EVI5: variants seen among roughly 807,000 people sequenced by gnomAD.
EVI5 encodes the protein ecotropic viral integration site 5 protein homolog.
In EVI5, 73 loss-of-function variants were observed where a neutral mutation model predicts 112.0. The ratio of observed to expected loss-of-function variants is 0.65; its 90% CI spans 0.54 to 0.79. The LOEUF (loss-of-function observed/expected upper bound fraction) is 0.79. Among genes scored for constraint, EVI5 ranks in the 30% least tolerant of loss-of-function variants. The pLI is 0.00. For missense variants in EVI5, 900 were observed against 968.8 expected (o/e 0.93, Z 0.94); for synonymous variants, 305 against 319.9 (o/e 0.95, Z 0.50).
chr1:92,702,249 GGTAA>G, intron 4 of EVI5, 34 bp from the exon 5 acceptor site: 1 of 1,138,676 alleles, frequency 8.8e-7, no homozygotes, highest in Admixed American at 2.6e-5. Context: ...CAAAATACAT[GGTAA>G]GTTATACCTT....
Position 92,704,564 on chromosome 1 carries a change from C to T in EVI5, c.330G>A (p.Lys110=), listed in dbSNP as rs1671690414. The T allele has an allele frequency of 1.3e-6, 2 of 1,571,438 alleles. No individual in the cohort carries two copies. Among genetic ancestry groups the T allele is most frequent in the African/African-American group, 1.4e-5 (1 of 73,134 alleles). The part of the protein sequence containing the change: ...EWEDVRKKKE[K]QVKELVHKGI... ...CAAAGAACATGAATACCTTAACTTGCTTTTCCTTCTTTTTGCGTACATCTT... is the reference window on the plus strand; with the variant it reads ...CAAAGAACATGAATACCTTAACTTGTTTTTCCTTCTTTTTGCGTACATCTT... Residue 110 remains lysine (K), a synonymous_variant, in exon 3 of 20, where the codon AAG becomes AAA. Coordinates refer to ENST00000684568, the MANE Select transcript of EVI5 (RefSeq NM_001350197.2).
rs1420344080 is a variant in EVI5, at chr1:92,513,545, ATATATATATATATATATATATG to A, written c.*89_*110del. 883 of 12,226 alleles carry A rather than the reference ATATATATATATATATATATATG, an allele frequency of 0.072. 28 individuals are homozygous for A. Among genetic ancestry groups the A allele is most frequent in the African/African-American group, 0.33 (727 of 2,178 alleles). 0.8% of individuals were successfully genotyped at this position (12,226 alleles called of 1,614,324 possible). The stretch of plus-strand genomic sequence containing the variant: ...TATATATATATATATATATATATAT[ATATATATATATATATATATATG>A]TACATATGAAACAAATTATTTCCAA... On this transcript the variant is annotated 3_prime_UTR_variant, in exon 20 of 20. Coordinates refer to ENST00000684568, the MANE Select transcript of EVI5 (RefSeq NM_001350197.2).
At chr1:92,655,869 C>CAAAAATAAATAAACAAAAATA (rs1662911137) in intron 13 of EVI5, among the ~76,000 whole-genome samples, 1 of 152,092 alleles carries the variant, frequency 6.6e-6, no homozygotes, top group Non-Finnish European at 1.5e-5. Flanking sequence ...CATCCTGAGA[C>CAAAAATAAATAAACAAAAATA]AGTGCCTTGG....
At chr1:92,566,045 A>G (rs2100934833) in intron 18 of EVI5, among the ~76,000 whole-genome samples, 1 of 150,422 alleles carries the variant, frequency 6.6e-6, no homozygotes. Flanking sequence ...GTTCTGTGTT[A>G]ACTGTCCTCC....
intron 13 of EVI5, among the ~76,000 whole-genome samples, chr1:92,662,147 G>C (rs1260094980): frequency 1.3e-5 from 2 of 152,120 alleles, no homozygotes; most frequent in Non-Finnish European, 2.9e-5. Flanking sequence ...AATTTTTAAA[G>C]GGTTAATCTT....
At chr1:92,766,880 G>A (rs1378986020) in intron 1 of EVI5, among the ~76,000 whole-genome samples, 2 of 152,108 alleles carry the variant, frequency 1.3e-5, no homozygotes, top group Non-Finnish European at 2.9e-5. Context: ...TCAGGAGTTT[G>A]AGAACAGCCT....
chr1:92,617,073 G>A (rs1048044396), intron 16 of EVI5, among the ~76,000 whole-genome samples: 1 of 152,228 alleles, frequency 6.6e-6, no homozygotes, highest in Non-Finnish European at 1.5e-5. Flanking sequence ...GACAGAGGAA[G>A]AGAAGACCAG....
At chr1:92,634,905 C>T (rs535996711) in intron 14 of EVI5, among the ~76,000 whole-genome samples, 4 of 152,330 alleles carry the variant, frequency 2.6e-5, no homozygotes, top group African/African-American at 9.6e-5. Flanking sequence ...CCAGTCAGGA[C>T]CCTTAGCTGC....
At chr1:92,661,520 T>C (rs1664007654) in intron 13 of EVI5, among the ~76,000 whole-genome samples, 1 of 152,162 alleles carries the variant, frequency 6.6e-6, no homozygotes, top group East Asian at 1.9e-4. Flanking sequence ...AAAATCACAT[T>C]GAAGTAACTT....
chr1:92,667,815 C>T (rs1665179358), intron 10 of EVI5, among the ~76,000 whole-genome samples: 1 of 152,116 alleles, frequency 6.6e-6, no homozygotes, highest in African/African-American at 2.4e-5. Context: ...GGGGGTTTCA[C>T]CGTGTTAGCC....
chr1:92,734,331 C>A (rs1010041876), intron 2 of EVI5, among the ~76,000 whole-genome samples: 10 of 152,182 alleles, frequency 6.6e-5, no homozygotes, highest in African/African-American at 2.4e-4. Context: ...AACTTCATTA[C>A]GGTCCGTGTA....
intron 18 of EVI5, among the ~76,000 whole-genome samples, chr1:92,588,050 T>C (rs939028894): frequency 3.3e-5 from 5 of 152,196 alleles, no homozygotes; most frequent in Non-Finnish European, 7.4e-5. Context: ...CCATTTAGTA[T>C]TAATGTAAAA....
intron 1 of EVI5, among the ~76,000 whole-genome samples, chr1:92,775,112 G>A (rs1683936684): frequency 6.6e-6 from 1 of 152,186 alleles, no homozygotes; most frequent in South Asian, 2.1e-4. Context: ...GAACATTTCA[G>A]TCAATGGATA....
chr1:92,708,079 T>C (rs1024165570), intron 2 of EVI5, among the ~76,000 whole-genome samples: 4 of 152,132 alleles, frequency 2.6e-5, no homozygotes, highest in Admixed American at 2.0e-4. Context: ...TAAATCTTCA[T>C]GACTTTGAGT....
chr1:92,636,226 C>T lies in EVI5; in HGVS notation c.1503G>A (p.Gln501=), dbSNP rs1658796260. The stretch of plus-strand genomic sequence containing the variant: ...CCTTCTCTATATCCAAGACTTTATC[C>T]TGCATCTCTTTTAATGCACACTGAG... ...AESQCALKEM[Q]DKVLDIEKRN... The change falls in exon 14 of 20, where the codon CAG becomes CAA. Residue 501 remains glutamine (Q), a synonymous_variant. Transcript: ENST00000684568. 4 of 1,613,262 alleles carry T rather than the reference C, an allele frequency of 2.5e-6. No homozygotes were observed. The highest frequency in any genetic ancestry group is 2.5e-6 in the Non-Finnish European group (3 of 1,179,518).
chr1:92,716,215 C>T lies in EVI5; in HGVS notation c.150-11471G>A, dbSNP rs185596966. Among the ~76,000 whole-genome samples the T allele has an allele frequency of 5.9e-5, 9 of 152,206 alleles. No homozygotes were observed. The East Asian group carries it at 7.7e-4, about 13-fold the overall frequency. On this transcript the variant is annotated intron_variant, in intron 2 of 19. Transcript: ENST00000684568. The stretch of plus-strand genomic sequence containing the variant: ...CTGGGAGACACCTCCCAGTAGGGGC[C>T]GACTGACACCTCATACAGGCAGGTG...
intron 1 of EVI5, among the ~76,000 whole-genome samples, chr1:92,763,598 G>A (rs970374729): frequency 6.6e-6 from 1 of 151,972 alleles, no homozygotes; most frequent in Non-Finnish European, 1.5e-5. Context: ...CTGGGTGAAA[G>A]AACAAGACTC....
intron 18 of EVI5, among the ~76,000 whole-genome samples, chr1:92,576,534 G>A (rs1038742828): frequency 6.8e-6 from 1 of 146,310 alleles, no homozygotes; most frequent in East Asian, 1.9e-4. Context: ...TGTATCAAGA[G>A]AGATAGCTAA....
rs55898086 is a variant in EVI5 at position 92,551,040 on chromosome 1, C to CTTTTTTTTT, written c.2166+12593_2166+12601dup. 2.9e-4 allele frequency among the ~76,000 whole-genome samples: 23 copies of CTTTTTTTTT among 80,700 alleles called. 1 individual carries two copies. The highest frequency in any genetic ancestry group is 5.6e-4 in the African/African-American group (11 of 19,490). The allele number at this position is 80,700 out of a possible 152,430, so 52.9% of individuals were successfully genotyped here. Reference sequence around the variant, plus strand: ...TCTTTTTTCTTTTCTTTCTTTCTTTCTTTTTTTTTTTTTTTTTTTTGAGAC... The same window carrying CTTTTTTTTT: ...TCTTTTTTCTTTTCTTTCTTTCTTTCTTTTTTTTTTTTTTTTTTTTTTTTTTTTTGAGAC... On this transcript the variant is annotated intron_variant, in intron 19 of 19. Coordinates refer to ENST00000684568, the MANE Select transcript of EVI5 (RefSeq NM_001350197.2).
Sources: gnomAD v4.1 joint callset for allele counts (sites outside exome capture counted in the v4.1 genomes callset) on GRCh38, gnomAD v4.1.1 for gene constraint, MANE v1.5 for transcripts, NCBI Gene and HGNC (gene_info 2026-07-23, HGNC 2026-07-21) for gene names.